Variants in NOP53 observed in about 807,000 individuals in gnomAD.
NOP53 encodes the protein NOP53 ribosome biogenesis factor, also known as ribosome biogenesis protein NOP53.
A neutral mutation model predicts 61.0 loss-of-function variants in NOP53; 40 were observed. The observed-to-expected ratio is 0.66, with a 90% CI of 0.51 to 0.85. The LOEUF is 0.85. Ranked by LOEUF, NOP53 falls within the 40% of genes least tolerant of loss-of-function variation. The pLI, the probability that NOP53 is intolerant of heterozygous loss-of-function variation, is 0.00. For missense variants in NOP53, 689 were observed against 652.9 expected, an observed-to-expected ratio of 1.06 and a Z score of -0.60; for synonymous variants, 308 against 289.5, an observed-to-expected ratio of 1.06 and a Z score of -0.65.
chr19:47,749,025 G>T (rs1967094975), intron 2 of NOP53, among the ~76,000 whole-genome samples: 2 of 151,992 alleles, frequency 1.3e-5, no homozygotes, highest in Non-Finnish European at 2.9e-5. Context: ...GCCGAGCGTG[G>T]TGGCGCATGC....
At chr19:47,750,805 T>C in intron 3 of NOP53, 103 bp from the exon 4 acceptor site, 2 of 927,300 alleles carry the variant, frequency 2.2e-6, no homozygotes, top group South Asian at 1.4e-5. Flanking sequence ...GAGGGGGTGC[T>C]GAAGCTGCCT....
At position 47,745,797 on chromosome 19, in the gene NOP53, G is replaced by C; in HGVS notation, c.224+14G>C. 1 of 1,506,384 alleles carries C rather than the reference G, an allele frequency of 6.6e-7. No individual in the cohort carries two copies. The highest frequency in any genetic ancestry group is 8.9e-7 in the Non-Finnish European group (1 of 1,127,078). 93.3% of individuals were successfully genotyped at this position (1,506,384 alleles called of 1,614,324 possible). A position where few individuals can be genotyped will look rare whatever the true frequency, so the allele number is the denominator to read the frequency against. ...GCGCACGAGCGGGTACGTTGGGCGG[G>C]ACTTCCGGGAGGTGGGACGGTTCCT... is the stretch of plus-strand genomic sequence containing the variant. On this transcript the variant is annotated intron_variant, in intron 1 of 12. Transcript: ENST00000246802.
chr19:47,754,320 A>C lies in NOP53; in HGVS notation c.766-207A>C, dbSNP rs1051326765. 7.0e-5 allele frequency: 40 copies of C among 572,014 alleles called. No homozygotes were observed. The highest frequency in any genetic ancestry group is 1.2e-4 in the Non-Finnish European group (38 of 316,836). The allele number at this position is 572,014 out of a possible 1,614,324, so 35.4% of individuals were successfully genotyped here. A position where few individuals can be genotyped will look rare whatever the true frequency, so the allele number is the denominator to read the frequency against. ...CGTGCAGGTCAGACTGCCTTCACAGACGTGCAGAGCAGGTGTGAGGGCGAG... is the reference window on the plus strand; with the variant it reads ...CGTGCAGGTCAGACTGCCTTCACAGCCGTGCAGAGCAGGTGTGAGGGCGAG... On this transcript the variant is annotated intron_variant, in intron 6 of 12. Transcript: ENST00000246802. The surrounding 1 kb of genome is among the most constrained non-coding windows in gnomAD (Gnocchi z 4.2).
rs1183844986 is a variant in NOP53, at chr19:47,745,801, TC to T, written c.224+20del. 2.0e-6 allele frequency: 3 copies of T among 1,468,406 alleles called. No individual in the cohort carries two copies. The highest frequency in any genetic ancestry group is 9.1e-7 in the Non-Finnish European group (1 of 1,104,864). 91.0% of individuals were successfully genotyped at this position (1,468,406 alleles called of 1,614,324 possible). Reference sequence around the variant, plus strand: ...ACGAGCGGGTACGTTGGGCGGGACTTCCGGGAGGTGGGACGGTTCCTGCGCC... The same window carrying T: ...ACGAGCGGGTACGTTGGGCGGGACTTCGGGAGGTGGGACGGTTCCTGCGCC... On this transcript the variant is annotated intron_variant, in intron 1 of 12. Transcript: ENST00000246802.
chr19:47,748,579 C>T (rs555549947), intron 2 of NOP53, among the ~76,000 whole-genome samples: 2 of 152,110 alleles, frequency 1.3e-5, no homozygotes, highest in East Asian at 3.9e-4. Flanking sequence ...GTACAGGAGA[C>T]TTCCAATAGG....
At chr19:47,750,330 C>G (rs1967109497) in intron 3 of NOP53, 44 bp downstream of exon 3, 2 of 1,201,134 alleles carry the variant, frequency 1.7e-6, no homozygotes, top group Non-Finnish European at 2.5e-6. Flanking sequence ...CCACCAGACT[C>G]TGGTCCTAAA....
rs778901662 is a variant in NOP53 at position 47,751,031 on chromosome 19, C to T, written c.522C>T (p.Asn174=). The T allele has an allele frequency of 2.5e-6, 4 of 1,605,248 alleles. No individual in the cohort carries two copies. The highest frequency in any genetic ancestry group is 2.7e-5 in the African/African-American group (2 of 74,908). Residue 174 remains asparagine (N), a synonymous_variant, in exon 4 of 13, where the codon AAC becomes AAT. Coordinates refer to ENST00000246802, the MANE Select transcript of NOP53 (RefSeq NM_015710.5). The stretch of plus-strand genomic sequence containing the variant: ...GCAGGGCCCAGGCCCGGCTCCTCAA[C>T]CCTTCTGCAACAAGGGCCAAGCCCG... ...EVRRAQARLL[N]PSATRAKPGP...
Position 47,754,873 on chromosome 19 carries a change from G to C in NOP53, c.1035G>C (p.Glu345Asp). The change falls in exon 8 of 13, where the codon GAG becomes GAC. Residue 345 changes from glutamate (E) to aspartate (D), a missense_variant. By Grantham distance (45) the Glu-to-Asp change is conservative. Transcript: ENST00000246802. The surrounding 1 kb of genome is among the most constrained non-coding windows in gnomAD (Gnocchi z 4.2). ...AGACGGAGCAGCAGCGGCGGCGGGA[G>C]AAGGCTGTGCACAGGCTGGTGAGCG... ...EKKTEQQRRR[E>D]KAVHRLRVQQ... is the part of the protein sequence containing the mutation. 1 of 1,522,010 alleles carries C rather than the reference G, an allele frequency of 6.6e-7. No individual in the cohort carries two copies. The highest frequency in any genetic ancestry group is 8.7e-7 in the Non-Finnish European group (1 of 1,144,782). 94.3% of individuals were successfully genotyped at this position (1,522,010 alleles called of 1,614,324 possible).
In NOP53 at chr19:47,748,974, C is replaced by A. The variant is rs1472198594; in HGVS notation, c.290-1204C>A. Among the ~76,000 whole-genome samples, 4 of 152,056 alleles carry A rather than the reference C, an allele frequency of 2.6e-5. No homozygotes were observed. In the East Asian group the frequency reaches 7.7e-4, roughly 29 times the overall value. On this transcript the variant is annotated intron_variant, in intron 2 of 12. Coordinates refer to ENST00000246802, the MANE Select transcript of NOP53 (RefSeq NM_015710.5). ...GTCGGGAGTTTGAGACCAGCCTGAC[C>A]AACATGGAGAAACCCCGTCTTTACT...
In NOP53 at chr19:47,757,031, C is replaced by G. The variant is rs772926983; in HGVS notation, c.*26C>G. The G allele has an allele frequency of 6.2e-7, 1 of 1,612,734 alleles. No individual in the cohort carries two copies. The highest frequency in any genetic ancestry group is 1.7e-5 in the Admixed American group (1 of 59,898). ...CTGCCATCAGATGCCGGAGACTCGC[C>G]CTTCAATAAAAAATCTCTTCTAGCT... is the stretch of plus-strand genomic sequence containing the variant. On this transcript the variant is annotated 3_prime_UTR_variant, in exon 13 of 13. Transcript: ENST00000246802.
Position 47,754,789 on chromosome 19 carries a change from G to A in NOP53, c.951G>A (p.Pro317=), listed in dbSNP as rs914271224. ...GGGAGCCAGGCCAGGGCGAGGGGCC[G>A]GAGGCTGGGGATGCCGAGGTCTGTC... The part of the protein sequence containing the change: ...GEGEPGQGEG[P]EAGDAEVCPT... The change falls in exon 8 of 13, where the codon CCG becomes CCA. Residue 317 remains proline, a synonymous_variant. Transcript: ENST00000246802. This position sits in a 1 kb window ranked among gnomAD's most constrained non-coding sequence, Gnocchi z 4.2. The A allele has an allele frequency of 3.5e-5, 53 of 1,527,926 alleles. No individual in the cohort carries two copies. The highest frequency in any genetic ancestry group is 2.1e-4 in the Middle Eastern group (1 of 4,782). 94.6% of individuals were successfully genotyped at this position (1,527,926 alleles called of 1,614,324 possible). A position where few individuals can be genotyped will look rare whatever the true frequency, so the allele number is the denominator to read the frequency against.
chr19:47,753,471 C>T (rs950053579), intron 6 of NOP53: 1 of 152,280 alleles, frequency 6.6e-6, no homozygotes, highest in Admixed American at 6.5e-5. Context: ...AAGGAACAGC[C>T]CTTCTCATGG....
intron 3 of NOP53, 57 bp downstream of exon 3, chr19:47,750,343 G>A: frequency 2.8e-6 from 3 of 1,088,686 alleles, no homozygotes; most frequent in Non-Finnish European, 4.3e-6. Context: ...GTCCTAAAGG[G>A]TTTCCGGGGC....
At position 47,756,593 on chromosome 19, in the gene NOP53, A is replaced by T. The variant is rs1967203033; in HGVS notation, c.1362A>T (p.Arg454=). 2 of 1,614,054 alleles carry T rather than the reference A, an allele frequency of 1.2e-6. No homozygotes were observed. The highest frequency in any genetic ancestry group is 2.7e-5 in the African/African-American group (2 of 75,054). ...AGAGGAGGAATATGATCGAGCCTCG[A>T]GAGAGAGCCAAGTAAGGGGCGGCCG... is the stretch of plus-strand genomic sequence containing the variant. ...SFQRRNMIEP[R]ERAKFKRKYK... The change falls in exon 11 of 13, where the codon CGA becomes CGT. Residue 454 remains arginine (R), a synonymous_variant. Coordinates refer to ENST00000246802, the MANE Select transcript of NOP53 (RefSeq NM_015710.5).
chr19:47,751,750 G>T lies in NOP53; in HGVS notation c.669+160G>T, dbSNP rs184644939. The stretch of plus-strand genomic sequence containing the variant: ...GGCTGGGATTCCTGTCCCAGCTCCA[G>T]TGCTGACTGATCCTGGGAAGGTGGT... On this transcript the variant is annotated intron_variant, in intron 5 of 12. Transcript: ENST00000246802. Among the ~76,000 whole-genome samples the T allele has an allele frequency of 2.8e-4, 43 of 152,254 alleles. 1 individual carries two copies. The highest frequency in any genetic ancestry group is 9.9e-4 in the African/African-American group (41 of 41,550).
rs1162920328 is a variant in NOP53, at chr19:47,756,611, G to A, written c.1373+7G>A. 6.2e-7 allele frequency: 1 copy of A among 1,613,784 alleles called. No homozygotes were observed. Among genetic ancestry groups the A allele is most frequent in the Non-Finnish European group, 8.5e-7 (1 of 1,179,758 alleles). Reference sequence around the variant, plus strand: ...AGCCTCGAGAGAGAGCCAAGTAAGGGGCGGCCGGGGCTGCTGTGGGGCGAG... The same window carrying A: ...AGCCTCGAGAGAGAGCCAAGTAAGGAGCGGCCGGGGCTGCTGTGGGGCGAG... On this transcript the variant is annotated splice_region_variant and intron_variant, in intron 11 of 12. Coordinates refer to ENST00000246802, the MANE Select transcript of NOP53 (RefSeq NM_015710.5).
intron 5 of NOP53, among the ~76,000 whole-genome samples, chr19:47,752,209 G>C (rs778782401): frequency 6.6e-6 from 1 of 152,214 alleles, no homozygotes; most frequent in Non-Finnish European, 1.5e-5. Flanking sequence ...AGCCCGTGCT[G>C]GCAAGTGGCA....
chr19:47,751,794 A>G (rs1002392267), intron 5 of NOP53, among the ~76,000 whole-genome samples: 1 of 152,080 alleles, frequency 6.6e-6, no homozygotes, highest in Admixed American at 6.6e-5. Flanking sequence ...TCTGCAACCT[A>G]TATCTTCCTC....
chr19:47,756,478 C>A, intron 10 of NOP53, 50 bp from the exon 11 acceptor site: 1 of 1,476,672 alleles, frequency 6.8e-7, no homozygotes, highest in Non-Finnish European at 9.4e-7. Flanking sequence ...GAGGTCCAGG[C>A]CCTTGGGCTT....
Sources: allele counts gnomAD v4.1 joint callset (sites outside exome capture counted in the v4.1 genomes callset), GRCh38; gene constraint gnomAD v4.1.1; non-coding constraint Gnocchi (gnomAD v3.1); transcripts MANE v1.5; gene names NCBI Gene and HGNC (gene_info 2026-07-23, HGNC 2026-07-21).